CPHXL2: variants seen among roughly 807,000 people sequenced by gnomAD.
CPHXL2 encodes the protein cytoplasmic polyadenylated homeobox like 2.
chr16:75,674,088 C>A, the CPHXL2 span, among the ~76,000 whole-genome samples: 1 of 150,330 alleles, frequency 6.7e-6, no homozygotes, highest in Non-Finnish European at 1.5e-5. Context: ...AAAATCTGTA[C>A]TTTGGCTGGG....
the CPHXL2 span, among the ~76,000 whole-genome samples, chr16:75,663,095 C>T: frequency 2.0e-5 from 3 of 152,192 alleles, no homozygotes; most frequent in Non-Finnish European, 2.9e-5. Context: ...CCACTCACTG[C>T]GCCCGGTGGG....
chr16:75,670,823 A>G, the CPHXL2 span, among the ~76,000 whole-genome samples: 4 of 152,270 alleles, frequency 2.6e-5, no homozygotes, highest in Admixed American at 1.3e-4. Context: ...AATAGCCTTC[A>G]AGCCTTACTC....
chr16:75,667,789 A>G, the CPHXL2 span, among the ~76,000 whole-genome samples: 3 of 152,370 alleles, frequency 2.0e-5, no homozygotes, highest in East Asian at 5.8e-4. Context: ...TTTATCTGAC[A>G]TGTGAAACAT....
the CPHXL2 span, among the ~76,000 whole-genome samples, chr16:75,664,691 G>T: frequency 6.6e-6 from 1 of 151,866 alleles, no homozygotes; most frequent in African/African-American, 2.4e-5. Flanking sequence ...CTTCAACATG[G>T]CAGCACTGAG....
the CPHXL2 span, among the ~76,000 whole-genome samples, chr16:75,669,011 G>A: frequency 1.3e-5 from 2 of 151,900 alleles, no homozygotes; most frequent in Non-Finnish European, 2.9e-5. Context: ...TATACTTATT[G>A]CCCTTTAATT....
chr16:75,665,181 ATC>A, the CPHXL2 span, among the ~76,000 whole-genome samples: 7 of 152,214 alleles, frequency 4.6e-5, no homozygotes, highest in Admixed American at 4.6e-4. Flanking sequence ...GCACATTGTC[ATC>A]AAGTTCGTCT....
the CPHXL2 span, among the ~76,000 whole-genome samples, chr16:75,666,368 C>A: frequency 6.6e-6 from 1 of 152,170 alleles, no homozygotes; most frequent in East Asian, 1.9e-4. Flanking sequence ...ACACTGTAAT[C>A]CCAGCACTTT....
the CPHXL2 span, among the ~76,000 whole-genome samples, chr16:75,664,158 C>T: frequency 6.6e-6 from 1 of 152,204 alleles, no homozygotes; most frequent in Non-Finnish European, 1.5e-5. Context: ...GTACATCTTA[C>T]ATGTATCGAC....
the CPHXL2 span, among the ~76,000 whole-genome samples, chr16:75,668,641 C>A: frequency 2.0e-5 from 3 of 152,190 alleles, no homozygotes; most frequent in Admixed American, 1.3e-4. Flanking sequence ...TGCATATATG[C>A]TGGGCATGTC....
chr16:75,662,279 C>G, the CPHXL2 span, among the ~76,000 whole-genome samples: 9 of 151,490 alleles, frequency 5.9e-5, no homozygotes, highest in Non-Finnish European at 8.8e-5. Context: ...TCCACATGTT[C>G]AGCTATCTGG....
the CPHXL2 span, among the ~76,000 whole-genome samples, chr16:75,667,305 C>T: frequency 7.1e-6 from 1 of 141,042 alleles, no homozygotes; most frequent in Non-Finnish European, 1.5e-5. Context: ...GAGGGAGACT[C>T]CATTTCCAAA....
At chr16:75,661,817 TGAG>T in the CPHXL2 span, among the ~76,000 whole-genome samples, 3 of 152,216 alleles carry the variant, frequency 2.0e-5, no homozygotes, top group African/African-American at 4.8e-5. Context: ...TATGACTCTG[TGAG>T]GAGAAGAAAC....
the CPHXL2 span, among the ~76,000 whole-genome samples, chr16:75,672,950 C>T: frequency 2.6e-5 from 4 of 151,844 alleles, no homozygotes; most frequent in African/African-American, 7.3e-5. Context: ...TGTGGTGGCA[C>T]GTGCCTGTAT....
chr16:75,663,359 G>T, the CPHXL2 span, among the ~76,000 whole-genome samples: 1 of 152,188 alleles, frequency 6.6e-6, no homozygotes, highest in Admixed American at 6.5e-5. Flanking sequence ...AGGTGCAGGA[G>T]TGCTATGGTT....
the CPHXL2 span, among the ~76,000 whole-genome samples, chr16:75,674,801 C>A: frequency 3.3e-5 from 5 of 151,756 alleles, no homozygotes; most frequent in Non-Finnish European, 7.4e-5. Context: ...CCTCTGCCTC[C>A]TGGGTTCAAG....
chr16:75,674,991 C>A, the CPHXL2 span, among the ~76,000 whole-genome samples: 1 of 151,052 alleles, frequency 6.6e-6, no homozygotes, highest in East Asian at 2.0e-4. Flanking sequence ...GAGTTCGAGA[C>A]CAGCCTGGCC....
the CPHXL2 span, among the ~76,000 whole-genome samples, chr16:75,668,923 G>A: frequency 3.9e-5 from 6 of 152,082 alleles, no homozygotes; most frequent in Non-Finnish European, 7.4e-5. Context: ...TTGTATAGAT[G>A]TATATATTTT....
chr16:75,661,014 A>G, the CPHXL2 span: 1 of 400,384 alleles, frequency 2.5e-6, no homozygotes, highest in Non-Finnish European at 4.4e-6. Context: ...ATTGTAGCCC[A>G]TCTGTTGACA....
At chr16:75,671,120 C>T in the CPHXL2 span, among the ~76,000 whole-genome samples, 2 of 152,184 alleles carry the variant, frequency 1.3e-5, no homozygotes, top group African/African-American at 2.4e-5. Flanking sequence ...CGCCGGCTCA[C>T]GCCTATAATC....
Sources: gnomAD v4.1 joint callset for allele counts (sites outside exome capture counted in the v4.1 genomes callset) on GRCh38, gnomAD v4.1.1 for gene constraint, MANE v1.5 for transcripts, NCBI Gene and HGNC (gene_info 2026-07-23, HGNC 2026-07-21) for gene names.